SNTG1: variants seen among roughly 807,000 people sequenced by gnomAD.
SNTG1 encodes the protein syntrophin gamma 1, also known as gamma-1-syntrophin.
In SNTG1, 39 loss-of-function variants were observed where a neutral mutation model predicts 74.7. That is an observed-to-expected ratio of 0.52 (90% CI 0.40 to 0.68). SNTG1 has a LOEUF of 0.68. SNTG1 is among the 30% of genes least tolerant of loss of function. The pLI, the probability that SNTG1 is intolerant of heterozygous loss-of-function variation, is 0.00. For missense variants in SNTG1, 685 were observed against 609.5 expected, an observed-to-expected ratio of 1.12 and a Z score of -1.30; for synonymous variants, 254 against 217.1, an observed-to-expected ratio of 1.17 and a Z score of -1.49.
At chr8:50,418,107 A>G (rs181363897) in intron 4 of SNTG1, among the ~76,000 whole-genome samples, 6 of 152,252 alleles carry the variant, frequency 3.9e-5, no homozygotes, top group Admixed American at 3.9e-4. Flanking sequence ...CTCCTCCAGC[A>G]TCCACTGCAT....
At chr8:50,426,094 T>C (rs532885908) in intron 4 of SNTG1, among the ~76,000 whole-genome samples, 1 of 152,182 alleles carries the variant, frequency 6.6e-6, no homozygotes. Flanking sequence ...TTACATAGTA[T>C]GGTAAGTTGG....
intron 1 of SNTG1, among the ~76,000 whole-genome samples, chr8:50,131,516 G>T (rs2131404284): frequency 6.6e-6 from 1 of 152,082 alleles, no homozygotes; most frequent in South Asian, 2.1e-4. Context: ...GTGTATTAAG[G>T]CTGAATAATA....
intron 1 of SNTG1, among the ~76,000 whole-genome samples, chr8:50,078,171 G>T (rs1236815078): frequency 6.6e-6 from 1 of 152,142 alleles, no homozygotes; most frequent in Non-Finnish European, 1.5e-5. Context: ...ACACTATCTT[G>T]ATTTCTGTAA....
At position 50,501,425 on chromosome 8, in the gene SNTG1, G is replaced by GTTTTTTTT. The variant is rs59123896; in HGVS notation, c.364-1331_364-1324dup. 3.5e-5 allele frequency among the ~76,000 whole-genome samples: 2 copies of GTTTTTTTT among 57,082 alleles called. 1 individual carries two copies. Among genetic ancestry groups the GTTTTTTTT allele is most frequent in the African/African-American group, 2.0e-4 (2 of 10,208 alleles). The allele number at this position is 57,082 out of a possible 152,430, so 37.4% of individuals were successfully genotyped here. A position where few individuals can be genotyped will look rare whatever the true frequency, so the allele number is the denominator to read the frequency against. ...GGAGCAGAGAGAGATGAGCCTGTGC[G>GTTTTTTTT]TTTTTTTTTTTTTTTTTTTTTTTTT... On this transcript the variant is annotated intron_variant, in intron 8 of 18. Coordinates refer to ENST00000642720, the MANE Select transcript of SNTG1 (RefSeq NM_018967.5).
chr8:50,089,515 A>C (rs1196512304), intron 1 of SNTG1, among the ~76,000 whole-genome samples: 1 of 152,152 alleles, frequency 6.6e-6, no homozygotes, highest in African/African-American at 2.4e-5. Flanking sequence ...CACCTGACAA[A>C]GGGCTAATAT....
At chr8:50,101,453 G>A (rs943544186) in intron 1 of SNTG1, among the ~76,000 whole-genome samples, 1 of 152,008 alleles carries the variant, frequency 6.6e-6, no homozygotes, top group Non-Finnish European at 1.5e-5. Flanking sequence ...TATTCTTTGA[G>A]TTTTTAATAA....
chr8:50,213,612 A>G (rs1183623298), intron 2 of SNTG1, among the ~76,000 whole-genome samples: 1 of 152,042 alleles, frequency 6.6e-6, no homozygotes, highest in Admixed American at 6.6e-5. Context: ...CTTTTTAATG[A>G]TTGCCATTCT....
chr8:50,732,145 T>C (rs1332080383), intron 17 of SNTG1, among the ~76,000 whole-genome samples: 1 of 151,928 alleles, frequency 6.6e-6, no homozygotes, highest in Admixed American at 6.6e-5. Flanking sequence ...TTATTATGAG[T>C]TTTTAAAGTC....
intron 2 of SNTG1, among the ~76,000 whole-genome samples, chr8:50,313,432 T>C (rs1439607773): frequency 6.7e-6 from 1 of 149,640 alleles, no homozygotes; most frequent in African/African-American, 2.5e-5. Flanking sequence ...GGGGTTAATA[T>C]TCAAAATATG....
intron 18 of SNTG1, among the ~76,000 whole-genome samples, chr8:50,765,833 TA>T (rs2095612254): frequency 6.6e-6 from 1 of 151,966 alleles, no homozygotes; most frequent in Non-Finnish European, 1.5e-5. Context: ...CATTGTTATG[TA>T]GGCTTATTTT....
chr8:50,581,278 C>G (rs2094608128), intron 12 of SNTG1, among the ~76,000 whole-genome samples: 1 of 152,060 alleles, frequency 6.6e-6, no homozygotes, highest in African/African-American at 2.4e-5. Context: ...GCAGAAGTCA[C>G]CAGTGATAAG....
intron 8 of SNTG1, among the ~76,000 whole-genome samples, chr8:50,461,130 G>GA (rs1322389097): frequency 6.7e-6 from 1 of 148,334 alleles, no homozygotes; most frequent in Non-Finnish European, 1.5e-5. Context: ...TTGTTTTGTA[G>GA]AATGTCCTTC....
intron 2 of SNTG1, among the ~76,000 whole-genome samples, chr8:50,191,041 T>A (rs1258856002): frequency 1.3e-5 from 2 of 152,194 alleles, no homozygotes; most frequent in Admixed American, 6.6e-5. Context: ...ACTGGTCTTC[T>A]TTTTACATTT....
intron 17 of SNTG1, among the ~76,000 whole-genome samples, chr8:50,722,804 A>G (rs976946780): frequency 6.6e-6 from 1 of 152,114 alleles, no homozygotes; most frequent in African/African-American, 2.4e-5. Flanking sequence ...GGAAATATTT[A>G]ATTGTATTTT....
intron 13 of SNTG1, among the ~76,000 whole-genome samples, chr8:50,633,510 T>C (rs1263267889): frequency 6.6e-6 from 1 of 152,164 alleles, no homozygotes; most frequent in Non-Finnish European, 1.5e-5. Flanking sequence ...AGGGCTGTGC[T>C]CAGAAAGGAA....
intron 1 of SNTG1, among the ~76,000 whole-genome samples, chr8:50,066,882 A>G (rs976942623): frequency 1.3e-5 from 2 of 152,164 alleles, no homozygotes; most frequent in African/African-American, 4.8e-5. Flanking sequence ...AAAATCCTCA[A>G]ATGGAAATAA....
chr8:49,916,133 C>T (rs1426480403), intron 1 of SNTG1, among the ~76,000 whole-genome samples: 2 of 151,144 alleles, frequency 1.3e-5, no homozygotes, highest in African/African-American at 2.4e-5. Context: ...ATTGCACCAG[C>T]GATAAAAAAT....
At chr8:50,073,206 C>G (rs570367520) in intron 1 of SNTG1, among the ~76,000 whole-genome samples, 1 of 152,314 alleles carries the variant, frequency 6.6e-6, no homozygotes, top group African/African-American at 2.4e-5. Flanking sequence ...AATTATCAAA[C>G]AAGTTGATAC....
chr8:50,488,308 G>A (rs745367147), intron 8 of SNTG1, among the ~76,000 whole-genome samples: 6 of 152,158 alleles, frequency 3.9e-5, no homozygotes, highest in Non-Finnish European at 7.4e-5. Context: ...ACGTTTACAT[G>A]TAGTTTTATT....
Sources: gnomAD v4.1 joint callset for allele counts (sites outside exome capture counted in the v4.1 genomes callset) on GRCh38, gnomAD v4.1.1 for gene constraint, MANE v1.5 for transcripts, NCBI Gene and HGNC (gene_info 2026-07-23, HGNC 2026-07-21) for gene names.